Variants in PPP1R14C observed in about 807,000 individuals in gnomAD.
PPP1R14C encodes the protein protein phosphatase 1 regulatory subunit 14C.
In PPP1R14C, 16 loss-of-function variants were observed where a neutral mutation model predicts 20.4. That is an observed-to-expected ratio of 0.78 (90% CI 0.53 to 1.19). The LOEUF is 1.19. Among genes scored for constraint, PPP1R14C ranks in the 50% most tolerant of loss-of-function variants. The pLI is 0.00. For synonymous variants in PPP1R14C, 91 were observed against 91.0 expected (o/e 1.00, Z 0.00); for missense variants, 211 against 220.1 (o/e 0.96, Z 0.26).
At chr6:150,161,097 T>C (rs1445445526) in intron 1 of PPP1R14C, among the ~76,000 whole-genome samples, 2 of 151,916 alleles carry the variant, frequency 1.3e-5, no homozygotes, top group African/African-American at 4.8e-5. Context: ...CTGGCCAACA[T>C]GGTGAAACCC....
chr6:150,220,171 T>A (rs1225196456), intron 3 of PPP1R14C, among the ~76,000 whole-genome samples: 1 of 152,232 alleles, frequency 6.6e-6, no homozygotes, highest in Non-Finnish European at 1.5e-5. Context: ...GTTTGGCTAT[T>A]GCTGGGTCTC....
intron 1 of PPP1R14C, among the ~76,000 whole-genome samples, chr6:150,181,115 G>T (rs899594618): frequency 6.6e-6 from 1 of 152,102 alleles, no homozygotes; most frequent in South Asian, 2.1e-4. Flanking sequence ...ATTTATCCCC[G>T]CTTTAGTCTG....
intron 3 of PPP1R14C, 135 bp from the exon 4 acceptor site, chr6:150,248,611 C>A: frequency 1.7e-6 from 1 of 574,054 alleles, no homozygotes. Flanking sequence ...CTGTATTATA[C>A]CAGTGGGGGT....
intron 1 of PPP1R14C, among the ~76,000 whole-genome samples, chr6:150,148,775 A>C (rs1017831422): frequency 3.3e-5 from 5 of 152,202 alleles, no homozygotes; most frequent in Non-Finnish European, 5.9e-5. Flanking sequence ...AATAAATTAC[A>C]CATGCAAAAA....
chr6:150,170,478 T>C (rs1223014829), intron 1 of PPP1R14C, among the ~76,000 whole-genome samples: 3 of 152,056 alleles, frequency 2.0e-5, no homozygotes, highest in Admixed American at 6.6e-5. Context: ...ACTGCCACCA[T>C]GCCTGGCTAA....
chr6:150,152,125 A>T, intron 1 of PPP1R14C, among the ~76,000 whole-genome samples: 1 of 73,008 alleles, frequency 1.4e-5, no homozygotes, highest in East Asian at 2.7e-4. Flanking sequence ...GTCTCAAAAA[A>T]AAAAAAAAAA....
chr6:150,149,296 C>CAT (rs1293874942), intron 1 of PPP1R14C, among the ~76,000 whole-genome samples: 12 of 118,164 alleles, frequency 1.0e-4, no homozygotes, highest in African/African-American at 2.3e-4. Context: ...TTTCTCCATA[C>CAT]ATATGTGTGT....
chr6:150,174,174 A>G (rs1248606410), intron 1 of PPP1R14C, among the ~76,000 whole-genome samples: 1 of 152,116 alleles, frequency 6.6e-6, no homozygotes, highest in Non-Finnish European at 1.5e-5. Context: ...CCATTTTCTA[A>G]ATTGTGAGAA....
At chr6:150,191,555 G>C (rs749538686) in intron 1 of PPP1R14C, among the ~76,000 whole-genome samples, 19 of 152,202 alleles carry the variant, frequency 1.2e-4, no homozygotes, top group Non-Finnish European at 2.8e-4. Context: ...CATAACACCT[G>C]CTCTTAGAAT....
chr6:150,236,636 T>TGTGTGTGTGTGTGTGTGC (rs1242098663), intron 3 of PPP1R14C, among the ~76,000 whole-genome samples: 1 of 151,462 alleles, frequency 6.6e-6, no homozygotes, highest in Non-Finnish European at 1.5e-5. Flanking sequence ...TGTGTGTGTG[T>TGTGTGTGTGTGTGTGTGC]GTGCGCGTGT....
chr6:150,210,205 G>A (rs1482574754), intron 1 of PPP1R14C, among the ~76,000 whole-genome samples: 1 of 152,098 alleles, frequency 6.6e-6, no homozygotes, highest in African/African-American at 2.4e-5. Context: ...GTTGGGGCAA[G>A]GGGGCTGGTG....
chr6:150,204,866 C>G (rs542319313), intron 1 of PPP1R14C, among the ~76,000 whole-genome samples: 1 of 152,136 alleles, frequency 6.6e-6, no homozygotes, highest in Non-Finnish European at 1.5e-5. Flanking sequence ...AGGCTTCAGT[C>G]GCTTTCTTCC....
chr6:150,193,776 T>A (rs930485813), intron 1 of PPP1R14C, among the ~76,000 whole-genome samples: 1 of 152,208 alleles, frequency 6.6e-6, no homozygotes, highest in East Asian at 1.9e-4. Context: ...CATTTCCTTC[T>A]ACCATTCATA....
chr6:150,204,977 C>T (rs1329929917), intron 1 of PPP1R14C, among the ~76,000 whole-genome samples: 1 of 150,472 alleles, frequency 6.6e-6, no homozygotes, highest in Non-Finnish European at 1.5e-5. Context: ...AGAACACAAC[C>T]TCTGCTCCAA....
intron 1 of PPP1R14C, among the ~76,000 whole-genome samples, chr6:150,203,703 G>T (rs1294565089): frequency 6.6e-6 from 1 of 152,226 alleles, no homozygotes; most frequent in Non-Finnish European, 1.5e-5. Flanking sequence ...CCAAGAATTG[G>T]CTAGAACGGG....
At chr6:150,157,437 T>C (rs1239359043) in intron 1 of PPP1R14C, among the ~76,000 whole-genome samples, 1 of 151,284 alleles carries the variant, frequency 6.6e-6, no homozygotes, top group Non-Finnish European at 1.5e-5. Context: ...CATTATCTCA[T>C]TTCAGAGATG....
chr6:150,154,323 A>G (rs371907576), intron 1 of PPP1R14C, among the ~76,000 whole-genome samples: 1 of 152,206 alleles, frequency 6.6e-6, no homozygotes, highest in South Asian at 2.1e-4. Flanking sequence ...GCTGGCACCT[A>G]TGAGATTAAT....
At position 150,169,964 on chromosome 6, in the gene PPP1R14C, T is replaced by C. The variant is rs532871451; in HGVS notation, c.306+26466T>C. 3.9e-4 allele frequency among the ~76,000 whole-genome samples: 60 copies of C among 152,360 alleles called. No individual in the cohort carries two copies. In the East Asian group the frequency reaches 9.1e-3, roughly 23 times the overall value. On this transcript the variant is annotated intron_variant, in intron 1 of 3. Transcript: ENST00000361131. ...GCTCTTCAGCATACAGGCTTTTCCA[T>C]GTGCTATTTCGGTTTCCTTGCTGTA...
chr6:150,184,340 C>G (rs1777653645), intron 1 of PPP1R14C, among the ~76,000 whole-genome samples: 1 of 152,148 alleles, frequency 6.6e-6, no homozygotes, highest in African/African-American at 2.4e-5. Context: ...GGATATCCAG[C>G]CACCTCCTGG....
Sources: gnomAD v4.1 joint callset for allele counts (sites outside exome capture counted in the v4.1 genomes callset) on GRCh38, gnomAD v4.1.1 for gene constraint, MANE v1.5 for transcripts, NCBI Gene and HGNC (gene_info 2026-07-23, HGNC 2026-07-21) for gene names.